Variants in ADD2 observed in about 807,000 individuals in gnomAD.
ADD2 encodes the protein adducin 2, also known as beta-adducin.
A neutral mutation model predicts 83.0 loss-of-function variants in ADD2; 23 were observed. The ratio of observed to expected loss-of-function variants is 0.28; its 90% CI spans 0.20 to 0.39. ADD2 has a LOEUF of 0.39. Ranked by LOEUF, ADD2 falls within the 10% of genes least tolerant of loss-of-function variation. The pLI is 1.00. For missense variants in ADD2, 758 were observed against 944.9 expected, an observed-to-expected ratio of 0.80 and a Z score of 2.59; for synonymous variants, 375 against 375.4, an observed-to-expected ratio of 1.00 and a Z score of 0.01.
At chr2:70,733,674 T>C (rs1673387739) in intron 1 of ADD2, among the ~76,000 whole-genome samples, 1 of 152,192 alleles carries the variant, frequency 6.6e-6, no homozygotes, top group Non-Finnish European at 1.5e-5. Flanking sequence ...AAAGGTGTTC[T>C]GGGTATGGTA....
At chr2:70,731,263 G>A (rs1413382346) in intron 1 of ADD2, among the ~76,000 whole-genome samples, 6 of 151,620 alleles carry the variant, frequency 4.0e-5, no homozygotes, top group African/African-American at 1.5e-4. Context: ...CTTACCCAGG[G>A]TCTACACAGG....
intron 1 of ADD2, among the ~76,000 whole-genome samples, chr2:70,733,883 C>T (rs1274406766): frequency 1.1e-4 from 16 of 152,110 alleles, no homozygotes; most frequent in African/African-American, 3.9e-4. Flanking sequence ...TTTCTTGTCC[C>T]CAAGTCCCAG....
At chr2:70,704,274 C>CCCCCCCCCCCCCCCCT in intron 4 of ADD2, 47 bp downstream of exon 4, 1 of 1,391,804 alleles carries the variant, frequency 7.2e-7, no homozygotes, top group Admixed American at 2.1e-5. Context: ...CCCCACCCCA[C>CCCCCCCCCCCCCCCCT]CCTCCCCTCC....
At chr2:70,664,030 C>A (rs1008480000) in intron 15 of ADD2, among the ~76,000 whole-genome samples, 1 of 152,120 alleles carries the variant, frequency 6.6e-6, no homozygotes, top group Non-Finnish European at 1.5e-5. Context: ...GGCTGGGGTC[C>A]AGCTCAGAGT....
At position 70,661,760 on chromosome 2, in the gene ADD2, G is replaced by C. The variant is rs3821258; in HGVS notation, c.*1665C>G. The stretch of plus-strand genomic sequence containing the variant: ...CATTATGCAATGGAGAACAGTCATA[G>C]AGACAAATCCTGGATGAAAACCACC... On this transcript the variant is annotated 3_prime_UTR_variant, in exon 16 of 16. Transcript: ENST00000264436. The C allele has an allele frequency of 0.14, 20,911 of 152,218 alleles. 1,602 individuals are homozygous for C. Among genetic ancestry groups the C allele is most frequent in the South Asian group, 0.23 (1,120 of 4,820 alleles). The allele number at this position is 152,218 out of a possible 1,614,324, so 9.4% of individuals were successfully genotyped here. A position where few individuals can be genotyped will look rare whatever the true frequency, so the allele number is the denominator to read the frequency against.
rs370464708 is a variant in ADD2, at chr2:70,683,640, C to T, written c.1076G>A (p.Arg359Gln). The T allele has an allele frequency of 6.8e-6, 11 of 1,613,990 alleles. No individual in the cohort carries two copies. The highest frequency in any genetic ancestry group is 2.2e-5 in the South Asian group (2 of 91,060). Residue 359 changes from arginine to glutamine, a missense_variant, in exon 10 of 16, where the codon CGG becomes CAG. Arg to Gln is a conservative substitution (Grantham distance 43, BLOSUM62 1). Coordinates refer to ENST00000264436, the MANE Select transcript of ADD2 (RefSeq NM_001617.4). ...GGCCTCAAACTCATGCTCCCCCAGC[C>T]GACTCTTCTGCATAGGCCCAAAGGT... ...GSTFGPMQKS[R>Q]LGEHEFEALM...
intron 2 of ADD2, among the ~76,000 whole-genome samples, chr2:70,712,435 C>T (rs1313235630): frequency 4.8e-5 from 7 of 146,698 alleles, no homozygotes; most frequent in African/African-American, 1.8e-4. Flanking sequence ...AAGAGGGAGA[C>T]CCTGTCTCAA....
intron 2 of ADD2, among the ~76,000 whole-genome samples, chr2:70,707,307 A>G (rs1574269918): frequency 6.6e-6 from 1 of 152,326 alleles, no homozygotes; most frequent in East Asian, 1.9e-4. Flanking sequence ...ACAACAACTA[A>G]ATATGGTTTG....
intron 10 of ADD2, among the ~76,000 whole-genome samples, chr2:70,682,467 T>C (rs1449098213): frequency 6.6e-6 from 1 of 152,130 alleles, no homozygotes; most frequent in Non-Finnish European, 1.5e-5. Context: ...AAAGTAGAGA[T>C]GATTTGGAGG....
At chr2:70,704,264 C>CCCCCCCCCCCCCCCCCCCCCCA in intron 4 of ADD2, 57 bp downstream of exon 4, 3 of 425,204 alleles carry the variant, frequency 7.1e-6, no homozygotes, top group African/African-American at 4.3e-5. Context: ...TCCCTCTCTT[C>CCCCCCCCCCCCCCCCCCCCCCA]CCCACCCCAC....
At chr2:70,684,316 C>T (rs1253076810) in intron 9 of ADD2, among the ~76,000 whole-genome samples, 5 of 152,166 alleles carry the variant, frequency 3.3e-5, no homozygotes, top group African/African-American at 1.2e-4. Flanking sequence ...GGCACAATCT[C>T]GGATCACTGC....
chr2:70,671,303 T>C (rs1669882616), intron 15 of ADD2, among the ~76,000 whole-genome samples: 1 of 152,114 alleles, frequency 6.6e-6, no homozygotes, highest in African/African-American at 2.4e-5. Flanking sequence ...TGGGAGCTTG[T>C]TGCTTCTGGG....
At position 70,676,721 on chromosome 2, in the gene ADD2, C is replaced by T; in HGVS notation, c.1593+75G>A. The T allele has an allele frequency of 6.3e-7, 1 of 1,598,752 alleles. No individual in the cohort carries two copies. On this transcript the variant is annotated intron_variant, in intron 13 of 15. Transcript: ENST00000264436. This position sits in a 1 kb window ranked among gnomAD's most constrained non-coding sequence, Gnocchi z 4.8. Reference sequence around the variant, plus strand: ...TGGGTATGAGGACTCAGGGGTCCTGCAACCCAGCCCCAGGCACAGAAGACC... The same window carrying T: ...TGGGTATGAGGACTCAGGGGTCCTGTAACCCAGCCCCAGGCACAGAAGACC...
At chr2:70,679,034 A>G in intron 10 of ADD2, 73 bp from the exon 11 acceptor site, 1 of 1,491,242 alleles carries the variant, frequency 6.7e-7, no homozygotes, top group Non-Finnish European at 9.0e-7. Flanking sequence ...ATGCACACAC[A>G]CCTTTCCTTC....
At chr2:70,743,417 A>G (rs1674024003) in intron 1 of ADD2, among the ~76,000 whole-genome samples, 1 of 152,204 alleles carries the variant, frequency 6.6e-6, no homozygotes, top group Non-Finnish European at 1.5e-5. Flanking sequence ...AAAGTTCAGC[A>G]TTTCACAGAG....
At chr2:70,675,990 A>G in intron 13 of ADD2, 1 of 985,398 alleles carries the variant, frequency 1.0e-6, no homozygotes, top group Non-Finnish European at 1.2e-6. Flanking sequence ...GGTAAGTGTG[A>G]TGATACAACT....
intron 1 of ADD2, among the ~76,000 whole-genome samples, chr2:70,747,913 G>C (rs913122639): frequency 7.2e-5 from 11 of 152,132 alleles, no homozygotes; most frequent in Non-Finnish European, 1.3e-4. Context: ...AATCGAAATG[G>C]TACAAAGGCA....
At chr2:70,703,348 T>A (rs1671710408) in intron 4 of ADD2, among the ~76,000 whole-genome samples, 1 of 152,124 alleles carries the variant, frequency 6.6e-6, no homozygotes, top group East Asian at 1.9e-4. Context: ...AAAGTATTAT[T>A]TGTCACCTAC....
intron 1 of ADD2, among the ~76,000 whole-genome samples, chr2:70,721,435 A>G (rs1553377342): frequency 6.6e-6 from 1 of 152,202 alleles, no homozygotes; most frequent in Non-Finnish European, 1.5e-5. Context: ...GCTTTCTGAC[A>G]TTCTTCTGGT....
Sources: allele counts gnomAD v4.1 joint callset (sites outside exome capture counted in the v4.1 genomes callset), GRCh38; gene constraint gnomAD v4.1.1; non-coding constraint Gnocchi (gnomAD v3.1); transcripts MANE v1.5; gene names NCBI Gene and HGNC (gene_info 2026-07-23, HGNC 2026-07-21).